Variants in DTX4 observed in about 807,000 individuals in gnomAD.
DTX4 encodes the protein E3 ubiquitin-protein ligase DTX4.
DTX4 carries 28 observed loss-of-function variants against 57.6 expected under a neutral mutation model. The ratio of observed to expected loss-of-function variants is 0.49; its 90% CI spans 0.36 to 0.67. The LOEUF (loss-of-function observed/expected upper bound fraction) is 0.67. Among genes scored for constraint, DTX4 ranks in the 30% least tolerant of loss-of-function variants. The probability of loss-of-function intolerance (pLI) is 0.00; values close to 1 mark genes in which losing one functional copy is unlikely to be tolerated. For missense variants in DTX4, 715 were observed against 836.8 expected (o/e 0.85, Z 1.80); for synonymous variants, 316 against 331.0 (o/e 0.95, Z 0.49).
At chr11:59,186,621 A>G (rs1410136326) in intron 2 of DTX4, among the ~76,000 whole-genome samples, 1 of 152,180 alleles carries the variant, frequency 6.6e-6, no homozygotes, top group Non-Finnish European at 1.5e-5. Flanking sequence ...CAGTTTCCGT[A>G]GCGTCTTCTA....
At chr11:59,194,495 G>A (rs1227500670) in intron 6 of DTX4, among the ~76,000 whole-genome samples, 2 of 152,118 alleles carry the variant, frequency 1.3e-5, no homozygotes, top group South Asian at 4.1e-4. Context: ...ATGAGCATCA[G>A]TCTTTCCATG....
At chr11:59,197,687 A>T (rs1485422570) in intron 7 of DTX4, among the ~76,000 whole-genome samples, 1 of 152,210 alleles carries the variant, frequency 6.6e-6, no homozygotes, top group Non-Finnish European at 1.5e-5. Flanking sequence ...ATGGGGCTCG[A>T]ACAAGGGAAG....
chr11:59,199,816 A>G lies in DTX4; in HGVS notation c.1626+43A>G, dbSNP rs1201445138. ...CACATAGAACTAGGTTTTAGAATAG[A>G]TCGGGCAGTTTACTTCTATGTCAAG... On this transcript the variant is annotated intron_variant, in intron 8 of 8. Coordinates refer to ENST00000227451, the MANE Select transcript of DTX4 (RefSeq NM_015177.2). 10 of 1,516,412 alleles carry G rather than the reference A, an allele frequency of 6.6e-6. No homozygotes were observed. In the Admixed American group the frequency reaches 1.8e-4, roughly 27 times the overall value. 93.9% of individuals were successfully genotyped at this position (1,516,412 alleles called of 1,614,324 possible). A position where few individuals can be genotyped will look rare whatever the true frequency, so the allele number is the denominator to read the frequency against.
At chr11:59,200,260 G>T (rs1003754240) in intron 8 of DTX4, among the ~76,000 whole-genome samples, 3 of 152,178 alleles carry the variant, frequency 2.0e-5, no homozygotes, top group Non-Finnish European at 4.4e-5. Context: ...CCATGATTCA[G>T]TTATCTCCCA....
intron 6 of DTX4, among the ~76,000 whole-genome samples, chr11:59,192,489 G>A (rs1862612270): frequency 6.6e-6 from 1 of 152,092 alleles, no homozygotes; most frequent in South Asian, 2.1e-4. Context: ...TCCATCTTCG[G>A]TGTCAGGTCT....
At chr11:59,180,317 C>G (rs1862447704) in intron 1 of DTX4, among the ~76,000 whole-genome samples, 2 of 152,128 alleles carry the variant, frequency 1.3e-5, no homozygotes, top group Non-Finnish European at 2.9e-5. Context: ...CCCCCATGTT[C>G]CCCAGCAGAG....
intron 2 of DTX4, among the ~76,000 whole-genome samples, chr11:59,184,478 C>A (rs1590982373): frequency 6.6e-6 from 1 of 152,248 alleles, no homozygotes; most frequent in South Asian, 2.1e-4. Context: ...GTATAGGCTG[C>A]TGTCATTGTG....
intron 4 of DTX4, among the ~76,000 whole-genome samples, 185 bp from the exon 5 acceptor site, chr11:59,190,929 A>G (rs1862589641): frequency 6.6e-6 from 1 of 152,208 alleles, no homozygotes; most frequent in Non-Finnish European, 1.5e-5. Context: ...TCGTCAAACC[A>G]TCTCACTAGC....
chr11:59,190,322 A>G (rs1862580142), intron 4 of DTX4, among the ~76,000 whole-genome samples: 1 of 152,230 alleles, frequency 6.6e-6, no homozygotes, highest in Admixed American at 6.5e-5. Flanking sequence ...GCAGAGAGCT[A>G]AAGGGCAGTA....
At chr11:59,195,424 A>G (rs959608426) in intron 7 of DTX4, 55 bp downstream of exon 7, 29 of 1,529,262 alleles carry the variant, frequency 1.9e-5, no homozygotes, top group African/African-American at 5.6e-5. Flanking sequence ...TTATTGTTCT[A>G]TGTGTTTGTA....
chr11:59,178,066 C>G (rs1862417311), intron 1 of DTX4, among the ~76,000 whole-genome samples: 1 of 152,124 alleles, frequency 6.6e-6, no homozygotes, highest in Non-Finnish European at 1.5e-5. Flanking sequence ...AGAATTTCAC[C>G]TGGCCAGGAC....
intron 8 of DTX4, among the ~76,000 whole-genome samples, chr11:59,201,605 A>C (rs1356832548): frequency 6.6e-6 from 1 of 152,204 alleles, no homozygotes. Context: ...AAGGGTATGG[A>C]TATGGTCTCC....
chr11:59,190,214 C>T (rs1862578992), intron 4 of DTX4, among the ~76,000 whole-genome samples: 1 of 152,178 alleles, frequency 6.6e-6, no homozygotes, highest in African/African-American at 2.4e-5. Context: ...CTTAAATGAG[C>T]TCAATTGCCT....
At chr11:59,189,130 G>T (rs184364739) in intron 3 of DTX4, 32 bp from the exon 4 acceptor site, 1 of 1,611,552 alleles carries the variant, frequency 6.2e-7, no homozygotes, top group African/African-American at 1.3e-5. Flanking sequence ...TAAGTCTCCA[G>T]TCTTTCCTCA....
chr11:59,201,231 C>T (rs1301511773), intron 8 of DTX4, among the ~76,000 whole-genome samples: 2 of 152,200 alleles, frequency 1.3e-5, no homozygotes, highest in Non-Finnish European at 2.9e-5. Flanking sequence ...GTTCTGCTGT[C>T]ATTACCTAAT....
intron 2 of DTX4, among the ~76,000 whole-genome samples, chr11:59,187,305 A>G (rs1307009100): frequency 6.6e-6 from 1 of 152,230 alleles, no homozygotes; most frequent in Non-Finnish European, 1.5e-5. Flanking sequence ...CTGTGCCTCA[A>G]TGTAGTTGTC....
chr11:59,193,065 G>A (rs1862619413), intron 6 of DTX4, among the ~76,000 whole-genome samples: 1 of 152,134 alleles, frequency 6.6e-6, no homozygotes, highest in Admixed American at 6.5e-5. Context: ...AGATCTCCCT[G>A]ATAGCTCCCA....
intron 3 of DTX4, 56 bp from the exon 4 acceptor site, chr11:59,189,106 G>A: frequency 6.3e-7 from 1 of 1,596,130 alleles, no homozygotes. Flanking sequence ...AGGAATTTGG[G>A]GAATGTTGAG....
chr11:59,179,911 T>G lies in DTX4; in HGVS notation c.212-1828T>G, dbSNP rs533927542. On this transcript the variant is annotated intron_variant, in intron 1 of 8. Transcript: ENST00000227451. ...TACACCCCCTACCACCCTACACACA[T>G]ACACACACAGACACACACACACACA... Among the ~76,000 whole-genome samples, 209 of 150,080 alleles carry G rather than the reference T, an allele frequency of 1.4e-3. 2 individuals are homozygous for G. The South Asian group carries it at 0.039, about 28-fold the overall frequency.
Sources: gnomAD v4.1 joint callset for allele counts (sites outside exome capture counted in the v4.1 genomes callset) on GRCh38, gnomAD v4.1.1 for gene constraint, MANE v1.5 for transcripts, NCBI Gene and HGNC (gene_info 2026-07-23, HGNC 2026-07-21) for gene names.